The following CBX7 variants were observed in gnomAD, a reference collection of about 807,000 sequenced individuals.
CBX7 encodes chromobox 7.
Under a neutral mutation model 31.4 loss-of-function variants are expected in CBX7, and 14 were observed. The ratio of observed to expected loss-of-function variants is 0.45; its 90% CI spans 0.29 to 0.70. CBX7 has a LOEUF of 0.70. Ranked by LOEUF, CBX7 falls within the 30% of genes least tolerant of loss-of-function variation. The pLI, the probability that CBX7 is intolerant of heterozygous loss-of-function variation, is 0.11. For synonymous variants in CBX7, 159 were observed against 152.6 expected, an observed-to-expected ratio of 1.04 and a Z score of -0.31; for missense variants, 269 against 351.9, an observed-to-expected ratio of 0.76 and a Z score of 1.89.
intron 2 of CBX7, chr22:39,148,951 G>A (rs530370461): frequency 6.5e-6 from 1 of 152,728 alleles, no homozygotes; most frequent in African/African-American, 2.4e-5. Flanking sequence ...TCTGGGCAGA[G>A]GGGGTTTCCA....
At chr22:39,145,758 C>A (rs1264196139) in intron 2 of CBX7, among the ~76,000 whole-genome samples, 1 of 149,858 alleles carries the variant, frequency 6.7e-6, no homozygotes, top group Non-Finnish European at 1.5e-5. Flanking sequence ...CGGCGCGCGC[C>A]GGCTCCGAGA....
At chr22:39,140,230 T>C (rs1930405474) in intron 3 of CBX7, among the ~76,000 whole-genome samples, 1 of 152,136 alleles carries the variant, frequency 6.6e-6, no homozygotes, top group Non-Finnish European at 1.5e-5. Context: ...CCACTGAGCA[T>C]CCATCCCCAG....
chr22:39,138,779 C>T (rs771962922), intron 3 of CBX7, 77 bp from the exon 4 acceptor site: 22 of 1,345,966 alleles, frequency 1.6e-5, no homozygotes, highest in African/African-American at 2.9e-5. Context: ...CCGCTTCGCC[C>T]GCCCTCTGCT....
intron 1 of CBX7, among the ~76,000 whole-genome samples, chr22:39,151,646 G>C (rs1930857448): frequency 6.6e-6 from 1 of 152,182 alleles, no homozygotes; most frequent in African/African-American, 2.4e-5. Context: ...GAGCCCCCTC[G>C]CCAAACAAGT....
intron 1 of CBX7, among the ~76,000 whole-genome samples, chr22:39,150,500 G>A (rs1458882090): frequency 1.3e-5 from 2 of 152,206 alleles, no homozygotes; most frequent in Non-Finnish European, 2.9e-5. Context: ...CAGTTACGGT[G>A]GCTCAAGCCT....
intron 1 of CBX7, among the ~76,000 whole-genome samples, chr22:39,150,566 A>G (rs1930815573): frequency 1.3e-5 from 2 of 152,166 alleles, no homozygotes; most frequent in African/African-American, 4.8e-5. Flanking sequence ...CCCAGGAAGG[A>G]GTTTGAGACA....
chr22:39,143,967 C>A (rs1601563060), intron 2 of CBX7, among the ~76,000 whole-genome samples: 1 of 152,192 alleles, frequency 6.6e-6, no homozygotes, highest in East Asian at 1.9e-4. Flanking sequence ...AAAAGCAAAG[C>A]GATGCCCTAT....
chr22:39,142,778 G>A (rs894296134), intron 2 of CBX7, among the ~76,000 whole-genome samples: 2 of 152,094 alleles, frequency 1.3e-5, no homozygotes, highest in African/African-American at 2.4e-5. Flanking sequence ...GTCAAGTGCC[G>A]AATAACATTT....
At chr22:39,150,957 T>G (rs1410145969) in intron 1 of CBX7, among the ~76,000 whole-genome samples, 2 of 152,224 alleles carry the variant, frequency 1.3e-5, no homozygotes, top group Admixed American at 1.3e-4. Context: ...GGCATCTGTC[T>G]GTATCTCCTC....
chr22:39,140,799 C>T (rs981002522), intron 3 of CBX7, among the ~76,000 whole-genome samples: 5 of 152,116 alleles, frequency 3.3e-5, no homozygotes, highest in African/African-American at 7.2e-5. Context: ...GGGGCCCTGG[C>T]AGAGGTGGGA....
intron 2 of CBX7, chr22:39,147,294 G>C (rs1930696396): frequency 6.6e-6 from 1 of 151,920 alleles, no homozygotes; most frequent in Non-Finnish European, 1.5e-5. Flanking sequence ...TGGAACTCCT[G>C]ACCTCAAGTG....
intron 5 of CBX7, 101 bp downstream of exon 5, chr22:39,134,299 CA>C: frequency 4.7e-6 from 5 of 1,072,420 alleles, no homozygotes; most frequent in Non-Finnish European, 6.5e-6. Context: ...CGACTGGCCC[CA>C]CAAAGCACTA....
At chr22:39,141,059 T>TG (rs1930437173) in intron 3 of CBX7, 6 of 336,884 alleles carry the variant, frequency 1.8e-5, no homozygotes, top group Non-Finnish European at 2.8e-5. Flanking sequence ...AGAAACCTCT[T>TG]ACGGCCCCTC....
chr22:39,138,991 C>T (rs1236409480), intron 3 of CBX7, among the ~76,000 whole-genome samples: 7 of 152,184 alleles, frequency 4.6e-5, no homozygotes, highest in South Asian at 2.1e-4. Flanking sequence ...GGGCCATGTG[C>T]GGGCTCTGCT....
At chr22:39,142,857 C>T (rs1930508747) in intron 2 of CBX7, among the ~76,000 whole-genome samples, 1 of 152,124 alleles carries the variant, frequency 6.6e-6, no homozygotes, top group African/African-American at 2.4e-5. Context: ...AAATTCCTGT[C>T]ATCTAGTGAC....
chr22:39,145,445 A>G (rs1192677913), intron 2 of CBX7, among the ~76,000 whole-genome samples: 2 of 152,138 alleles, frequency 1.3e-5, no homozygotes, highest in Non-Finnish European at 2.9e-5. Context: ...TGCCTGGAGG[A>G]AAGCGGGCTC....
chr22:39,134,186 G>C, intron 5 of CBX7, 138 bp from the exon 6 acceptor site: 1 of 973,178 alleles, frequency 1.0e-6, no homozygotes, highest in Non-Finnish European at 1.5e-6. Flanking sequence ...CTGGACACTT[G>C]GGAGGAGGGC....
chr22:39,149,952 C>T (rs1444002373), intron 1 of CBX7, 120 bp from the exon 2 acceptor site: 1 of 787,008 alleles, frequency 1.3e-6, no homozygotes, highest in Non-Finnish European at 2.2e-6. Flanking sequence ...GGTGTCTCCC[C>T]AACACACAAA....
chr22:39,147,599 C>T (rs1930706978), intron 2 of CBX7: 1 of 150,904 alleles, frequency 6.6e-6, no homozygotes, highest in South Asian at 2.1e-4. Context: ...GAGCTGGCTC[C>T]CCTGCTTCTC....
Sources: gnomAD v4.1 joint callset for allele counts (sites outside exome capture counted in the v4.1 genomes callset) on GRCh38, gnomAD v4.1.1 for gene constraint, MANE v1.5 for transcripts, NCBI Gene and HGNC (gene_info 2026-07-23, HGNC 2026-07-21) for gene names.